RNF150: variants seen among roughly 807,000 people sequenced by gnomAD.
RNF150 encodes the protein ring finger protein 150.
In RNF150, 24 loss-of-function variants were observed where a neutral mutation model predicts 39.3. The observed-to-expected ratio is 0.61, with a 90% confidence interval of 0.44 to 0.86. RNF150 has a LOEUF of 0.86. Ranked by LOEUF, RNF150 falls within the 40% of genes least tolerant of loss-of-function variation. RNF150 has a pLI of 0.00. For missense variants in RNF150, 502 were observed against 587.8 expected (o/e 0.85, Z 1.51); for synonymous variants, 255 against 227.3 (o/e 1.12, Z -1.10).
At chr4:141,018,175 T>G (rs933612721) in intron 1 of RNF150, among the ~76,000 whole-genome samples, 3 of 152,136 alleles carry the variant, frequency 2.0e-5, no homozygotes, top group Non-Finnish European at 4.4e-5. Context: ...ACAACTCAAG[T>G]TCTTTAAACA....
chr4:141,092,639 A>C (rs1738629832), intron 1 of RNF150, among the ~76,000 whole-genome samples: 1 of 152,046 alleles, frequency 6.6e-6, no homozygotes, highest in Admixed American at 6.5e-5. Context: ...AGACCAGAAA[A>C]TTGGGTCCCA....
chr4:141,052,559 A>G (rs142165940), intron 1 of RNF150, among the ~76,000 whole-genome samples: 2 of 152,224 alleles, frequency 1.3e-5, no homozygotes, highest in East Asian at 3.9e-4. Flanking sequence ...TATTTTTAGT[A>G]GAGATGGGGT....
In RNF150 at chr4:141,062,355, G is replaced by GTA. The variant is rs1234290404; in HGVS notation, c.484+69968_484+69969dup. Among the ~76,000 whole-genome samples, 6 of 151,870 alleles carry GTA rather than the reference G, an allele frequency of 4.0e-5. No homozygotes were observed. The South Asian group carries it at 8.3e-4, about 21-fold the overall frequency. The stretch of plus-strand genomic sequence containing the variant: ...ATCTCTCATATATAGGTATGTATAT[G>GTA]TATATATATGTATGTGTATATATAT... On this transcript the variant is annotated intron_variant, in intron 1 of 6. Transcript: ENST00000515673.
chr4:140,925,396 C>T (rs1389798641), intron 5 of RNF150, among the ~76,000 whole-genome samples: 1 of 152,180 alleles, frequency 6.6e-6, no homozygotes, highest in South Asian at 2.1e-4. Flanking sequence ...GGGGAGTCAA[C>T]TGGGGGAACC....
At position 140,860,531 on chromosome 4, in the gene RNF150, G is replaced by C. The variant is rs201496172; in HGVS notation, c.*7730C>G. ...ACCATCATCTACTACCTGCAGACTAGCCAGAAAGACCTTGTGGGGAAGCTA... is the reference window on the plus strand; with the variant it reads ...ACCATCATCTACTACCTGCAGACTACCCAGAAAGACCTTGTGGGGAAGCTA... On this transcript the variant is annotated 3_prime_UTR_variant, in exon 7 of 7. Transcript: ENST00000515673. The C allele has an allele frequency of 6.6e-6, 1 of 152,140 alleles. No individual in the cohort carries two copies. The highest frequency in any genetic ancestry group is 1.9e-4 in the East Asian group (1 of 5,184). The allele number at this position is 152,140 out of a possible 1,614,324, so 9.4% of individuals were successfully genotyped here.
At chr4:141,026,336 A>G (rs1017747259) in intron 1 of RNF150, among the ~76,000 whole-genome samples, 3 of 152,226 alleles carry the variant, frequency 2.0e-5, no homozygotes, top group East Asian at 3.8e-4. Flanking sequence ...GGAGAGAATG[A>G]TTTATTCTGC....
chr4:140,926,099 A>G (rs1401523187), intron 4 of RNF150, 26 bp from the exon 5 acceptor site: 1 of 1,534,348 alleles, frequency 6.5e-7, no homozygotes, highest in South Asian at 1.1e-5. Context: ...TACATCTTAG[A>G]GCGGCGGTAA....
chr4:140,893,421 T>C (rs1394275853), intron 6 of RNF150, among the ~76,000 whole-genome samples: 1 of 152,208 alleles, frequency 6.6e-6, no homozygotes, highest in Admixed American at 6.5e-5. Flanking sequence ...TCTTTTGATA[T>C]CAATGCTATG....
At chr4:140,997,418 C>T (rs192104598) in intron 1 of RNF150, among the ~76,000 whole-genome samples, 85 of 152,038 alleles carry the variant, frequency 5.6e-4, no homozygotes, top group African/African-American at 1.7e-3. Context: ...GTCAGGAGTT[C>T]GAGACCAGCC....
chr4:140,977,085 T>C (rs1281182522), intron 1 of RNF150, among the ~76,000 whole-genome samples: 2 of 152,136 alleles, frequency 1.3e-5, no homozygotes, highest in Non-Finnish European at 2.9e-5. Context: ...TCCTGTCCTA[T>C]TATTAAATGA....
intron 1 of RNF150, among the ~76,000 whole-genome samples, chr4:141,149,758 G>T (rs1012284692): frequency 2.0e-5 from 3 of 152,130 alleles, no homozygotes; most frequent in Admixed American, 2.0e-4. Context: ...CTCAATAGTG[G>T]GATTTCTGGA....
At chr4:141,009,946 C>T (rs1171185509) in intron 1 of RNF150, among the ~76,000 whole-genome samples, 1 of 152,174 alleles carries the variant, frequency 6.6e-6, no homozygotes, top group African/African-American at 2.4e-5. Flanking sequence ...ATGTTGGTTG[C>T]ATTTATTGAA....
chr4:141,079,963 C>G (rs1738087239), intron 1 of RNF150, among the ~76,000 whole-genome samples: 1 of 152,008 alleles, frequency 6.6e-6, no homozygotes, highest in Admixed American at 6.6e-5. Flanking sequence ...AAATAAAGCA[C>G]AGAAAGCATA....
At chr4:140,933,602 G>C (rs4956338) in intron 4 of RNF150, among the ~76,000 whole-genome samples, 77,974 of 152,050 alleles carry the variant, frequency 0.51, 21,199 homozygotes, top group Non-Finnish European at 0.6. Context: ...TGAAATGTAG[G>C]CTATGTTAAG....
chr4:140,916,824 T>C (rs1484779832), intron 5 of RNF150, among the ~76,000 whole-genome samples: 1 of 152,192 alleles, frequency 6.6e-6, no homozygotes, highest in Non-Finnish European at 1.5e-5. Context: ...GGGAAGCCCA[T>C]CAGACTAACA....
rs1349013473 is a variant in RNF150, at chr4:140,865,556, T to A, written c.*2705A>T. The A allele has an allele frequency of 8.7e-6, 1 of 114,788 alleles. No homozygotes were observed. The highest frequency in any genetic ancestry group is 1.1e-4 in the Admixed American group (1 of 8,856). The allele number at this position is 114,788 out of a possible 1,614,324, so 7.1% of individuals were successfully genotyped here. A position where few individuals can be genotyped will look rare whatever the true frequency, so the allele number is the denominator to read the frequency against. On this transcript the variant is annotated 3_prime_UTR_variant, in exon 7 of 7. Transcript: ENST00000515673. The stretch of plus-strand genomic sequence containing the variant: ...TCTGGTTAAGCTTTTTTTTTTTCTT[T>A]TTTTTTTTTTTTTTAAACTATCAAA...
intron 1 of RNF150, among the ~76,000 whole-genome samples, chr4:141,161,058 G>C (rs1443556398): frequency 6.6e-6 from 1 of 152,180 alleles, no homozygotes; most frequent in Non-Finnish European, 1.5e-5. Context: ...GGAGGGCTCA[G>C]AAGATGATAG....
rs529157331 is a variant in RNF150 at position 140,860,525 on chromosome 4, A to G, written c.*7736T>C. 1 of 152,348 alleles carries G rather than the reference A, an allele frequency of 6.6e-6. No individual in the cohort carries two copies. Among genetic ancestry groups the G allele is most frequent in the African/African-American group, 2.4e-5 (1 of 41,576 alleles). The allele number at this position is 152,348 out of a possible 1,614,324, so 9.4% of individuals were successfully genotyped here. On this transcript the variant is annotated 3_prime_UTR_variant, in exon 7 of 7. Coordinates refer to ENST00000515673, the MANE Select transcript of RNF150 (RefSeq NM_020724.2). Reference sequence around the variant, plus strand: ...GATGGAACCATCATCTACTACCTGCAGACTAGCCAGAAAGACCTTGTGGGG... The same window carrying G: ...GATGGAACCATCATCTACTACCTGCGGACTAGCCAGAAAGACCTTGTGGGG...
intron 5 of RNF150, among the ~76,000 whole-genome samples, chr4:140,924,029 A>T (rs1578971862): frequency 6.6e-6 from 1 of 152,252 alleles, no homozygotes; most frequent in East Asian, 1.9e-4. Context: ...CTAAATGATG[A>T]GTTAGTGGGT....
Sources: gnomAD v4.1 joint callset for allele counts (sites outside exome capture counted in the v4.1 genomes callset) on GRCh38, gnomAD v4.1.1 for gene constraint, MANE v1.5 for transcripts, NCBI Gene and HGNC (gene_info 2026-07-23, HGNC 2026-07-21) for gene names.